Variants in SATL1 observed in about 807,000 individuals in gnomAD.
SATL1 encodes the protein spermidine/spermine N1-acetyl transferase like 1.
SATL1 carries 47 observed loss-of-function variants against 51.8 expected under a neutral mutation model. The ratio of observed to expected loss-of-function variants is 0.91; its 90% CI spans 0.72 to 1.16. SATL1 has a LOEUF of 1.16. SATL1 is among the 50% of genes most tolerant of loss of function. The pLI, the probability that SATL1 is intolerant of heterozygous loss-of-function variation, is 0.00. For missense variants in SATL1, 520 were observed against 526.4 expected, an observed-to-expected ratio of 0.99 and a Z score of 0.12; for synonymous variants, 176 against 182.4, an observed-to-expected ratio of 0.97 and a Z score of 0.28.
At position 85,181,922 on chromosome X, in the gene SATL1, A is replaced by G. The variant is rs761084533; in HGVS notation, c.-313+42283T>C. ...TTCTGGATTTTTTTGTACATTTGAA[A>G]CATATACCTCTTAAAGCAAGTTTTC... On this transcript the variant is annotated intron_variant, in intron 2 of 7. Transcript: ENST00000644105. Among the ~76,000 whole-genome samples the G allele has an allele frequency of 2.1e-3, 233 of 111,560 alleles. 3 individuals are homozygous for G. The highest frequency in any genetic ancestry group is 3.5e-3 in the Non-Finnish European group (184 of 52,924).
chrX:85,120,496 G>A (rs1333596365), intron 2 of SATL1, among the ~76,000 whole-genome samples: 1 of 111,302 alleles, frequency 9.0e-6, no homozygotes, highest in Admixed American at 9.7e-5. Context: ...GTTTACTTTG[G>A]GATTATTGGG....
chrX:85,136,965 A>G (rs1185614725), intron 2 of SATL1, among the ~76,000 whole-genome samples: 1 of 111,751 alleles, frequency 8.9e-6, no homozygotes, highest in Non-Finnish European at 1.9e-5. Context: ...TCGCTCTGTC[A>G]CTGAAAATAC....
intron 2 of SATL1, among the ~76,000 whole-genome samples, chrX:85,145,030 T>C (rs1926196806): frequency 9.1e-6 from 1 of 109,352 alleles, no homozygotes. Context: ...AGCTAGGCCC[T>C]GTCTCAAAAA....
intron 2 of SATL1, among the ~76,000 whole-genome samples, chrX:85,176,378 T>C (rs1927081623): frequency 8.9e-6 from 1 of 111,868 alleles, no homozygotes; most frequent in African/African-American, 3.2e-5. Flanking sequence ...AGAATATATT[T>C]CCACAGGTAC....
At chrX:85,098,406 T>C (rs913444838) in intron 4 of SATL1, among the ~76,000 whole-genome samples, 5 of 111,532 alleles carry the variant, frequency 4.5e-5, no homozygotes, top group Admixed American at 9.6e-5. Context: ...CAGTAATATA[T>C]AGGACAACCA....
intron 2 of SATL1, chrX:85,156,231 T>C (rs1333283528): frequency 1.8e-5 from 2 of 111,748 alleles, no homozygotes; most frequent in Non-Finnish European, 3.8e-5. Context: ...CATTCCGTAT[T>C]GTCGCAAAAC....
At chrX:85,164,399 A>G (rs1354753324) in intron 2 of SATL1, among the ~76,000 whole-genome samples, 2 of 111,609 alleles carry the variant, frequency 1.8e-5, no homozygotes, top group African/African-American at 6.5e-5. Context: ...AAGATTTAGA[A>G]CTGCTTTTAG....
At chrX:85,148,492 C>A in intron 2 of SATL1, among the ~76,000 whole-genome samples, 1 of 110,228 alleles carries the variant, frequency 9.1e-6, no homozygotes, top group African/African-American at 3.3e-5. Flanking sequence ...TCGAGAAGAG[C>A]AACTCCAAGA....
At chrX:85,148,020 T>C (rs1926306749) in intron 2 of SATL1, among the ~76,000 whole-genome samples, 1 of 111,502 alleles carries the variant, frequency 9.0e-6, no homozygotes, top group African/African-American at 3.3e-5. Context: ...ACGATCAAAC[T>C]ACTCCAAGCT....
chrX:85,195,942 T>G (rs1927550762), intron 2 of SATL1, among the ~76,000 whole-genome samples: 1 of 110,540 alleles, frequency 9.0e-6, no homozygotes, highest in South Asian at 3.8e-4. Flanking sequence ...AATTAATTCA[T>G]AAGTGTGTGC....
chrX:85,201,626 T>A (rs1927689513), intron 2 of SATL1, among the ~76,000 whole-genome samples: 1 of 111,103 alleles, frequency 9.0e-6, no homozygotes, highest in African/African-American at 3.3e-5. Flanking sequence ...CACCCTCCCT[T>A]CTCAAGTAGA....
intron 2 of SATL1, among the ~76,000 whole-genome samples, chrX:85,204,749 T>G (rs1434872910): frequency 8.9e-6 from 1 of 112,072 alleles, no homozygotes; most frequent in Non-Finnish European, 1.9e-5. Flanking sequence ...ATGTGACCAC[T>G]ATTCATTCGC....
chrX:85,092,669 A>G (rs1360193880), intron 7 of SATL1, 108 bp from the exon 8 acceptor site: 4 of 696,278 alleles, frequency 5.7e-6, no homozygotes, highest in Non-Finnish European at 8.2e-6. Context: ...ATGTGTGAAT[A>G]ATACTTCCAA....
chrX:85,177,691 C>T (rs1927111377), intron 2 of SATL1, among the ~76,000 whole-genome samples: 1 of 111,625 alleles, frequency 9.0e-6, no homozygotes, highest in African/African-American at 3.2e-5. Flanking sequence ...ATATTCTGTA[C>T]ATATTGTACA....
At chrX:85,112,434 G>A (rs962223023) in intron 2 of SATL1, among the ~76,000 whole-genome samples, 1 of 111,230 alleles carries the variant, frequency 9.0e-6, no homozygotes, top group Non-Finnish European at 1.9e-5. Flanking sequence ...GGGATGAAGC[G>A]CACGGTTTGA....
At chrX:85,186,964 A>G in intron 2 of SATL1, among the ~76,000 whole-genome samples, 1 of 111,794 alleles carries the variant, frequency 8.9e-6, no homozygotes, top group Non-Finnish European at 1.9e-5. Context: ...TTTCTTGGGT[A>G]ATATGGTCAT....
intron 2 of SATL1, among the ~76,000 whole-genome samples, chrX:85,137,567 T>G (rs1925993173): frequency 9.0e-6 from 1 of 111,521 alleles, no homozygotes; most frequent in Non-Finnish European, 1.9e-5. Flanking sequence ...TCTACCCCAC[T>G]CTGGCTTCTT....
At chrX:85,167,180 C>T (rs186732630) in intron 2 of SATL1, among the ~76,000 whole-genome samples, 14 of 105,889 alleles carry the variant, frequency 1.3e-4, no homozygotes, top group Middle Eastern at 4.9e-3. Flanking sequence ...CACTTGTAAG[C>T]CGGAGCTAAG....
intron 2 of SATL1, among the ~76,000 whole-genome samples, chrX:85,109,528 C>A (rs1925207502): frequency 9.0e-6 from 1 of 111,144 alleles, no homozygotes; most frequent in Non-Finnish European, 1.9e-5. Context: ...TTATGCTTGG[C>A]ACTCCCAAGA....
Sources: gnomAD v4.1 joint callset for allele counts (sites outside exome capture counted in the v4.1 genomes callset) on GRCh38, gnomAD v4.1.1 for gene constraint, MANE v1.5 for transcripts, NCBI Gene and HGNC (gene_info 2026-07-23, HGNC 2026-07-21) for gene names.